Variants in ZNF365 observed in about 807,000 individuals in gnomAD.
ZNF365 encodes protein ZNF365.
In ZNF365, 22 loss-of-function variants were observed where a neutral mutation model predicts 35.0. That is an observed-to-expected ratio of 0.63 (90% confidence interval 0.45 to 0.90). The LOEUF is 0.90. Ranked by LOEUF, ZNF365 falls within the 40% of genes least tolerant of loss-of-function variation. The probability of loss-of-function intolerance (pLI) is 0.00; values close to 1 mark genes in which losing one functional copy is unlikely to be tolerated. For synonymous variants in ZNF365, 188 were observed against 196.2 expected (o/e 0.96, Z 0.35); for missense variants, 448 against 500.3 (o/e 0.90, Z 1.00).
intron 3 of ZNF365, among the ~76,000 whole-genome samples, chr10:62,443,895 C>T (rs772752823): frequency 2.0e-5 from 3 of 152,162 alleles, no homozygotes; most frequent in African/African-American, 4.8e-5. Context: ...ACTGTGACAA[C>T]TTAAATATGC....
intron 4 of ZNF365, among the ~76,000 whole-genome samples, chr10:62,477,949 T>C (rs1055809429): frequency 3.3e-5 from 5 of 152,204 alleles, no homozygotes; most frequent in Non-Finnish European, 7.3e-5. Flanking sequence ...TGAAAGGTAA[T>C]ACAAACTCTC....
chr10:62,439,955 G>T (rs774444586), intron 3 of ZNF365, among the ~76,000 whole-genome samples: 2 of 152,092 alleles, frequency 1.3e-5, no homozygotes, highest in Non-Finnish European at 2.9e-5. Context: ...ATAAACATGT[G>T]CAATCTGCAT....
intron 3 of ZNF365, among the ~76,000 whole-genome samples, chr10:62,448,301 G>T (rs983203193): frequency 1.3e-5 from 2 of 152,140 alleles, no homozygotes; most frequent in African/African-American, 4.8e-5. Flanking sequence ...TTCATCAGGG[G>T]TGGAGACAGA....
chr10:62,469,856 A>G (rs955897725), intron 4 of ZNF365, among the ~76,000 whole-genome samples: 1 of 152,232 alleles, frequency 6.6e-6, no homozygotes, highest in Non-Finnish European at 1.5e-5. Context: ...CTGAAATCAT[A>G]GAGGTAGCAA....
rs553425225 is a variant in ZNF365 at position 62,410,065 on chromosome 10, AT to A, written c.924+21495del. Among the ~76,000 whole-genome samples the A allele has an allele frequency of 3.9e-5, 6 of 152,112 alleles. No individual in the cohort carries two copies. The East Asian group carries it at 1.2e-3, about 29-fold the overall frequency. On this transcript the variant is annotated intron_variant, in intron 3 of 4. Transcript: ENST00000395255. ...CATTCTCTGTCCCATGGCACTATGT[AT>A]TTTTTCAACAGCACTGACTTCTATC...
rs915065510 is a variant in ZNF365, at chr10:62,401,892, T to C, written c.*2103T>C. On this transcript the variant is annotated 3_prime_UTR_variant, in exon 5 of 5. Transcript: ENST00000395254. Reference sequence around the variant, plus strand: ...ACTCTACATTTCACAAGACGAATTATTTTGAGATTTGTTTATTATATTAAA... The same window carrying C: ...ACTCTACATTTCACAAGACGAATTACTTTGAGATTTGTTTATTATATTAAA... The C allele has an allele frequency of 1.1e-5, 11 of 985,292 alleles. No individual in the cohort carries two copies. The highest frequency in any genetic ancestry group is 1.3e-5 in the Non-Finnish European group (11 of 829,800). The allele number at this position is 985,292 out of a possible 1,614,324, so 61.0% of individuals were successfully genotyped here. A position where few individuals can be genotyped will look rare whatever the true frequency, so the allele number is the denominator to read the frequency against.
In ZNF365 at chr10:62,389,981, T is replaced by C. The variant is rs536614299; in HGVS notation, c.924+1405T>C. Among the ~76,000 whole-genome samples the C allele has an allele frequency of 9.3e-4, 142 of 152,254 alleles. 3 individuals carry two copies. The highest frequency in any genetic ancestry group is 8.8e-5 in the Non-Finnish European group (6 of 68,008). On this transcript the variant is annotated intron_variant, in intron 3 of 4. Transcript: ENST00000395254. ...TCTCCTCCTTGGGAAACCATGAGCG[T>C]GTCCAGCCTTGACTAGCTGTGGCTG...
rs112275152 is a variant in ZNF365 at position 62,445,504 on chromosome 10, A to T, written c.925-14237A>T. 6.9e-3 allele frequency among the ~76,000 whole-genome samples: 1,045 copies of T among 152,320 alleles called. 10 individuals carry two copies. The highest frequency in any genetic ancestry group is 0.024 in the African/African-American group (1,009 of 41,572). ...CCAGTTCTAAGAGCAGGGGTGAGGC[A>T]GCCCCAACCAGGTCGCTCATCAGAA... On this transcript the variant is annotated intron_variant, in intron 3 of 4. Transcript: ENST00000395255.
chr10:62,375,461 G>A (rs987010279), intron 1 of ZNF365: 3 of 152,212 alleles, frequency 2.0e-5, no homozygotes, highest in African/African-American at 4.8e-5. Flanking sequence ...TTATTGTTAC[G>A]ATTAGCACTT....
chr10:62,417,168 T>C (rs1840088509), intron 3 of ZNF365, among the ~76,000 whole-genome samples: 1 of 152,096 alleles, frequency 6.6e-6, no homozygotes. Context: ...ACGACTTGAA[T>C]GTACTTGAAC....
At chr10:62,479,999 C>A in exon 5 of ZNF365, 1 of 1,555,936 alleles carries the variant, frequency 6.4e-7, no homozygotes, top group Non-Finnish European at 8.7e-7. Flanking sequence ...ATTTATTAAG[C>A]ATGTTTTACA....
At chr10:62,454,685 C>T (rs1424019632) in intron 3 of ZNF365, among the ~76,000 whole-genome samples, 2 of 151,420 alleles carry the variant, frequency 1.3e-5, no homozygotes, top group Non-Finnish European at 2.9e-5. Context: ...CTGCAGTGAA[C>T]ATTTACTATC....
intron 3 of ZNF365, among the ~76,000 whole-genome samples, chr10:62,437,256 T>G (rs1033239848): frequency 6.6e-6 from 1 of 152,230 alleles, no homozygotes; most frequent in Admixed American, 6.5e-5. Flanking sequence ...TTGCGACTAA[T>G]GATTTGTAAG....
intron 3 of ZNF365, among the ~76,000 whole-genome samples, chr10:62,421,262 T>G (rs1840163590): frequency 6.6e-6 from 1 of 152,188 alleles, no homozygotes; most frequent in Non-Finnish European, 1.5e-5. Context: ...GTCAACTTGA[T>G]GAAAGATCGT....
chr10:62,395,978 A>G (rs1362418046), intron 3 of ZNF365, among the ~76,000 whole-genome samples: 1 of 152,178 alleles, frequency 6.6e-6, no homozygotes, highest in Non-Finnish European at 1.5e-5. Flanking sequence ...AAAAGAAGAC[A>G]AAAGTGTTGG....
chr10:62,376,906 A>G lies in ZNF365; in HGVS notation c.713A>G (p.Glu238Gly). Residue 238 changes from glutamate (E) to glycine (G), a missense_variant, in exon 2 of 5, where the codon GAA becomes GGA. Glu to Gly is a moderately conservative substitution (Grantham distance 98, BLOSUM62 -2). Coordinates refer to ENST00000395254, the MANE Select transcript of ZNF365 (RefSeq NM_014951.3). ...GCTGTACTGAGGCAACGCCTGACGG[A>G]ATCTGAGGAGGAGCTTCTTAGGAAA... ...MIAVLRQRLTESEEELLRKEE... is the reference protein window; with the variant it reads ...MIAVLRQRLTGSEEELLRKEE... 6.2e-7 allele frequency: 1 copy of G among 1,613,290 alleles called. No homozygotes were observed. The highest frequency in any genetic ancestry group is 8.5e-7 in the Non-Finnish European group (1 of 1,179,576).
chr10:62,467,733 G>A lies in ZNF365; in HGVS notation c.981+7936G>A, dbSNP rs186752183. Among the ~76,000 whole-genome samples, 16 of 152,218 alleles carry A rather than the reference G, an allele frequency of 1.1e-4. No individual in the cohort carries two copies. The East Asian group carries it at 3.1e-3, about 29-fold the overall frequency. ...AAACAATGAAGTCACCCTTTCAGAG[G>A]CAATTCACTCATTCGGATGCTATGA... On this transcript the variant is annotated intron_variant, in intron 4 of 4. Coordinates refer to the ZNF365 transcript ENST00000395255.
chr10:62,452,515 C>T (rs1290579969), intron 3 of ZNF365, among the ~76,000 whole-genome samples: 1 of 152,226 alleles, frequency 6.6e-6, no homozygotes. Flanking sequence ...ACACAGCAGT[C>T]TCTTGGGGTC....
At chr10:62,475,723 C>T (rs1564604707) in intron 4 of ZNF365, among the ~76,000 whole-genome samples, 1 of 152,172 alleles carries the variant, frequency 6.6e-6, no homozygotes, top group East Asian at 1.9e-4. Context: ...CCAGTGAGTT[C>T]ACTGGCCCCG....
Sources: gnomAD v4.1 joint callset for allele counts (sites outside exome capture counted in the v4.1 genomes callset) on GRCh38, gnomAD v4.1.1 for gene constraint, MANE v1.5 for transcripts, NCBI Gene and HGNC (gene_info 2026-07-23, HGNC 2026-07-21) for gene names.